RBM6: variants seen among roughly 807,000 people sequenced by gnomAD.
The protein encoded by RBM6 is RNA binding motif protein 6.
In RBM6, 23 loss-of-function variants were observed where a neutral mutation model predicts 140.4. That is an observed-to-expected ratio of 0.16 (90% CI 0.12 to 0.23). The LOEUF (loss-of-function observed/expected upper bound fraction) is 0.23. RBM6 is among the 10% of genes least tolerant of loss of function. The pLI is 1.00. For synonymous variants in RBM6, 439 were observed against 475.6 expected, an observed-to-expected ratio of 0.92 and a Z score of 1.00; for missense variants, 1,139 against 1,386.7, an observed-to-expected ratio of 0.82 and a Z score of 2.84.
chr3:49,980,538 T>G (rs1419792859), intron 5 of RBM6, among the ~76,000 whole-genome samples: 1 of 151,702 alleles, frequency 6.6e-6, no homozygotes, highest in Admixed American at 6.6e-5. Flanking sequence ...GGCAGGTAGA[T>G]CATCTGAGGT....
chr3:50,069,507 C>CAAAAAAAAA (rs60210595), intron 18 of RBM6, among the ~76,000 whole-genome samples: 1 of 107,438 alleles, frequency 9.3e-6, no homozygotes, highest in Non-Finnish European at 1.9e-5. Context: ...GACCTTGTCT[C>CAAAAAAAAA]AAAAAAAAAA....
chr3:50,013,966 AG>A (rs2086986333), intron 6 of RBM6, among the ~76,000 whole-genome samples: 1 of 152,180 alleles, frequency 6.6e-6, no homozygotes, highest in Admixed American at 6.5e-5. Flanking sequence ...GAATAGAGCC[AG>A]GGATGCTGCT....
intron 7 of RBM6, among the ~76,000 whole-genome samples, chr3:50,052,818 A>T (rs1352638002): frequency 6.6e-6 from 1 of 152,218 alleles, no homozygotes; most frequent in African/African-American, 2.4e-5. Context: ...AGAGAGGTTC[A>T]TTCACGCAAG....
chr3:49,948,183 A>G (rs1178099148), intron 1 of RBM6, among the ~76,000 whole-genome samples: 1 of 152,112 alleles, frequency 6.6e-6, no homozygotes, highest in African/African-American at 2.4e-5. Flanking sequence ...GTCTATCTTT[A>G]TGTCCTTACT....
At chr3:49,978,113 G>A (rs1429485513) in intron 5 of RBM6, among the ~76,000 whole-genome samples, 1 of 152,052 alleles carries the variant, frequency 6.6e-6, no homozygotes, top group African/African-American at 2.4e-5. Flanking sequence ...TGATCCTTCT[G>A]TCTCAACCTC....
At chr3:50,074,447 G>C (rs1000322527) in intron 19 of RBM6, among the ~76,000 whole-genome samples, 12 of 151,674 alleles carry the variant, frequency 7.9e-5, no homozygotes. Flanking sequence ...TCAGCCTCCC[G>C]AGTAGCTAGG....
rs557010833 is a variant in RBM6, at chr3:50,039,678, G to T, written c.1558-8567G>T. Reference sequence around the variant, plus strand: ...TTTTTTAAAAATCTGCATTTTAGTGGTTCAGTTTTTCAGTTGTTCTGAGTG... The same window carrying T: ...TTTTTTAAAAATCTGCATTTTAGTGTTTCAGTTTTTCAGTTGTTCTGAGTG... On this transcript the variant is annotated intron_variant, in intron 6 of 20. Transcript: ENST00000266022. Among the ~76,000 whole-genome samples, 50 of 152,264 alleles carry T rather than the reference G, an allele frequency of 3.3e-4. 1 individual carries two copies. The highest frequency in any genetic ancestry group is 1.0e-3 in the African/African-American group (43 of 41,560).
At chr3:50,037,776 T>TTATAGACA (rs2088630658) in intron 6 of RBM6, among the ~76,000 whole-genome samples, 1 of 151,904 alleles carries the variant, frequency 6.6e-6, no homozygotes, top group South Asian at 2.1e-4. Flanking sequence ...AGTGTAGGGA[T>TTATAGACA]TATAGACATG....
chr3:50,004,399 C>T (rs1171239842), intron 6 of RBM6, among the ~76,000 whole-genome samples: 1 of 147,650 alleles, frequency 6.8e-6, no homozygotes, highest in Non-Finnish European at 1.5e-5. Context: ...ACTGCGGCCT[C>T]GATCTCTTGT....
chr3:49,996,940 GTT>G, intron 5 of RBM6, among the ~76,000 whole-genome samples: 1 of 152,110 alleles, frequency 6.6e-6, no homozygotes, highest in Non-Finnish European at 1.5e-5. Flanking sequence ...ACTTTGATCA[GTT>G]TACCTATCCT....
intron 7 of RBM6, among the ~76,000 whole-genome samples, chr3:50,052,479 C>T (rs1264757929): frequency 6.6e-6 from 1 of 152,192 alleles, no homozygotes; most frequent in African/African-American, 2.4e-5. Context: ...GTCCCAGCAC[C>T]ATTTGTTGAA....
In RBM6 at chr3:50,048,280, G is replaced by A; in HGVS notation, c.1593G>A (p.Leu531=). The A allele has an allele frequency of 6.2e-7, 1 of 1,613,364 alleles. No individual in the cohort carries two copies. The highest frequency in any genetic ancestry group is 1.3e-5 in the African/African-American group (1 of 75,034). ...TGATCCAGGACAAAGAAGTTACCCT[G>A]GAGTATGTATCAAGCCTGGATTTTT... The part of the protein sequence containing the change: ...TLMIQDKEVT[L]EYVSSLDFWY... The change falls in exon 7 of 21, where the codon CTG becomes CTA. Residue 531 remains leucine (L), a synonymous_variant. Coordinates refer to ENST00000266022, the MANE Select transcript of RBM6 (RefSeq NM_005777.3).
chr3:50,025,617 G>GTTTTTT (rs1195751357), intron 6 of RBM6, among the ~76,000 whole-genome samples: 1 of 82,182 alleles, frequency 1.2e-5, no homozygotes. Context: ...AAGAGACAGG[G>GTTTTTT]TGTCACTATG....
chr3:50,056,450 G>A (rs868441929), intron 8 of RBM6, among the ~76,000 whole-genome samples: 13 of 151,876 alleles, frequency 8.6e-5, no homozygotes, highest in Middle Eastern at 3.4e-3. Flanking sequence ...ACCCGCCACC[G>A]TGCCCAGCTA....
Position 49,997,380 on chromosome 3 carries a change from T to G in RBM6, c.1484-2060T>G, listed in dbSNP as rs560188215. 2.2e-4 allele frequency among the ~76,000 whole-genome samples: 34 copies of G among 152,360 alleles called. 2 individuals are homozygous for G. In the South Asian group the frequency reaches 6.4e-3, roughly 29 times the overall value. On this transcript the variant is annotated intron_variant, in intron 5 of 20. Coordinates refer to ENST00000266022, the MANE Select transcript of RBM6 (RefSeq NM_005777.3). ...TTTCTGTATCTTTTTCTTCCCAATG[T>G]CTACTTGTCCTTTAGCAAAGTATGA... is the stretch of plus-strand genomic sequence containing the variant.
In RBM6 at chr3:50,075,256, G is replaced by A; in HGVS notation, c.3172G>A (p.Val1058Ile). ...DIDTSSKGGCVQQATGWRKGT... is the reference protein window; with the variant it reads ...DIDTSSKGGCIQQATGWRKGT... ...CGACACTAGCAGCAAAGGAGGCTGT[G>A]TCCAACAGGCTACTGGCTGGAGGAA... Residue 1058 changes from valine (V) to isoleucine (I), a missense_variant, in exon 20 of 21, where the codon GTC becomes ATC. Coordinates refer to ENST00000266022, the MANE Select transcript of RBM6 (RefSeq NM_005777.3). 1.7e-5 allele frequency: 27 copies of A among 1,614,192 alleles called. No individual in the cohort carries two copies. Among genetic ancestry groups the A allele is most frequent in the Non-Finnish European group, 2.3e-5 (27 of 1,180,024 alleles).
intron 7 of RBM6, among the ~76,000 whole-genome samples, chr3:50,051,450 T>C (rs1011828357): frequency 2.0e-5 from 3 of 152,204 alleles, no homozygotes; most frequent in African/African-American, 7.2e-5. Flanking sequence ...GAGATCAGCC[T>C]GACCAACATG....
intron 7 of RBM6, among the ~76,000 whole-genome samples, chr3:50,048,833 C>T (rs2089335837): frequency 6.6e-6 from 1 of 152,038 alleles, no homozygotes; most frequent in African/African-American, 2.4e-5. Flanking sequence ...AACGGAATCT[C>T]ATTCTGTTGC....
At chr3:50,037,151 G>A (rs550207624) in intron 6 of RBM6, among the ~76,000 whole-genome samples, 7 of 152,212 alleles carry the variant, frequency 4.6e-5, no homozygotes, top group African/African-American at 1.7e-4. Flanking sequence ...TGTAATTCCA[G>A]CCCTTTGGGA....
Sources: allele counts gnomAD v4.1 joint callset (sites outside exome capture counted in the v4.1 genomes callset), GRCh38; gene constraint gnomAD v4.1.1; transcripts MANE v1.5; gene names NCBI Gene and HGNC (gene_info 2026-07-23, HGNC 2026-07-21).